CTNNBL1: variants seen among roughly 807,000 people sequenced by gnomAD.
CTNNBL1 encodes the protein catenin beta like 1.
A neutral mutation model predicts 72.7 loss-of-function variants in CTNNBL1; 31 were observed. The observed-to-expected ratio is 0.43, with a 90% CI of 0.32 to 0.58. The LOEUF is 0.58. Among genes scored for constraint, CTNNBL1 ranks in the 20% least tolerant of loss-of-function variants. The pLI, the probability that CTNNBL1 is intolerant of heterozygous loss-of-function variation, is 0.08. For synonymous variants in CTNNBL1, 240 were observed against 267.3 expected, an observed-to-expected ratio of 0.90 and a Z score of 1.00; for missense variants, 534 against 725.1, an observed-to-expected ratio of 0.74 and a Z score of 3.03.
chr20:37,841,377 G>A (rs2072303012), intron 12 of CTNNBL1, among the ~76,000 whole-genome samples: 1 of 152,124 alleles, frequency 6.6e-6, no homozygotes, highest in Non-Finnish European at 1.5e-5. Context: ...CTTTGAAATG[G>A]GGTTTGCTAC....
rs6125973 is a variant in CTNNBL1 at position 37,717,166 on chromosome 20, G to T, written c.31-15713G>T. On this transcript the variant is annotated intron_variant, in intron 1 of 15. Coordinates refer to ENST00000361383, the MANE Select transcript of CTNNBL1 (RefSeq NM_030877.5). ...CTCTTTTCCCCCAGCCACTCCTATT[G>T]GAAAAGGGAATGCAGTTTTACGTTT... Among the ~76,000 whole-genome samples, 429 of 151,596 alleles carry T rather than the reference G, an allele frequency of 2.8e-3. 5 individuals are homozygous for T. Among genetic ancestry groups the T allele is most frequent in the East Asian group, 0.017 (88 of 5,188 alleles).
chr20:37,861,465 T>A (rs555870759), intron 15 of CTNNBL1, among the ~76,000 whole-genome samples: 1 of 152,158 alleles, frequency 6.6e-6, no homozygotes, highest in South Asian at 2.1e-4. Flanking sequence ...GATGCCGGAG[T>A]TCAGGGAGTG....
chr20:37,701,716 A>G (rs6091103), intron 1 of CTNNBL1, among the ~76,000 whole-genome samples: 73,537 of 151,940 alleles, frequency 0.48, 20,114 homozygotes, highest in African/African-American at 0.76. Flanking sequence ...GAAATGTTCA[A>G]AGCATAGGGT....
chr20:37,746,686 G>T (rs1272439100), intron 4 of CTNNBL1, 79 bp downstream of exon 4: 6 of 1,495,112 alleles, frequency 4.0e-6, no homozygotes, highest in Non-Finnish European at 5.6e-6. Context: ...GTCTCTCTTT[G>T]TAGATGTGTG....
intron 4 of CTNNBL1, among the ~76,000 whole-genome samples, chr20:37,753,095 G>T (rs2073334940): frequency 6.6e-6 from 1 of 151,990 alleles, no homozygotes; most frequent in African/African-American, 2.4e-5. Flanking sequence ...CCTCTTTCTG[G>T]TCTTCAAATG....
intron 7 of CTNNBL1, 188 bp from the exon 8 acceptor site, chr20:37,777,157 T>C: frequency 1.8e-6 from 1 of 546,514 alleles, no homozygotes. Context: ...GAGCCATTGT[T>C]TCAATCTGTC....
intron 4 of CTNNBL1, among the ~76,000 whole-genome samples, chr20:37,756,872 C>A (rs896161449): frequency 1.3e-5 from 2 of 151,870 alleles, no homozygotes; most frequent in African/African-American, 4.8e-5. Context: ...GTTTCAAACT[C>A]CTGAGCTCAA....
At chr20:37,865,618 A>G (rs1013617781) in intron 15 of CTNNBL1, among the ~76,000 whole-genome samples, 1 of 152,150 alleles carries the variant, frequency 6.6e-6, no homozygotes, top group South Asian at 2.1e-4. Context: ...AGCAGTCATC[A>G]CCTTGGCTGT....
At chr20:37,830,485 C>G (rs1014363134) in intron 11 of CTNNBL1, among the ~76,000 whole-genome samples, 27 of 152,104 alleles carry the variant, frequency 1.8e-4, no homozygotes, top group African/African-American at 6.5e-4. Context: ...CAGCAGGACC[C>G]CTCTAGAATC....
chr20:37,816,056 T>C (rs188461380), intron 11 of CTNNBL1, among the ~76,000 whole-genome samples: 1 of 152,324 alleles, frequency 6.6e-6, no homozygotes, highest in Admixed American at 6.5e-5. Context: ...TGGCTTGCTT[T>C]TGTAGCCAGA....
intron 3 of CTNNBL1, among the ~76,000 whole-genome samples, chr20:37,746,073 G>T (rs1262762997): frequency 1.3e-5 from 2 of 152,190 alleles, no homozygotes; most frequent in Admixed American, 6.5e-5. Context: ...GAAGTGGGAA[G>T]TAAGAGAAAC....
intron 13 of CTNNBL1, among the ~76,000 whole-genome samples, chr20:37,844,516 A>T (rs145714794): frequency 2.6e-5 from 4 of 152,226 alleles, no homozygotes; most frequent in African/African-American, 7.2e-5. Context: ...GCAACGGTCT[A>T]GTAGAAAAGG....
intron 11 of CTNNBL1, among the ~76,000 whole-genome samples, chr20:37,837,071 G>A (rs906681491): frequency 6.6e-6 from 1 of 152,084 alleles, no homozygotes; most frequent in Non-Finnish European, 1.5e-5. Context: ...CAACTTGGTT[G>A]GCACAAGGTT....
At chr20:37,712,856 C>A (rs2072950472) in intron 1 of CTNNBL1, among the ~76,000 whole-genome samples, 1 of 152,202 alleles carries the variant, frequency 6.6e-6, no homozygotes, top group Non-Finnish European at 1.5e-5. Context: ...TTCCTTCCGA[C>A]CAGAAGTGCC....
intron 10 of CTNNBL1, among the ~76,000 whole-genome samples, chr20:37,792,342 TTG>T (rs1031135364): frequency 6.6e-6 from 1 of 151,992 alleles, no homozygotes; most frequent in African/African-American, 2.4e-5. Context: ...GTGCGTGTAT[TTG>T]TGTGTGTGTG....
intron 1 of CTNNBL1, among the ~76,000 whole-genome samples, chr20:37,708,245 A>G (rs1028873202): frequency 6.6e-6 from 1 of 151,208 alleles, no homozygotes; most frequent in Non-Finnish European, 1.5e-5. Flanking sequence ...GGAGTACAGC[A>G]GCAGGATCAT....
At chr20:37,719,505 G>C (rs1734674101) in intron 1 of CTNNBL1, among the ~76,000 whole-genome samples, 1 of 152,172 alleles carries the variant, frequency 6.6e-6, no homozygotes. Context: ...GAAAGAACAT[G>C]CCTTTTTTGT....
chr20:37,711,105 G>T (rs1568746249), intron 1 of CTNNBL1, among the ~76,000 whole-genome samples: 1 of 152,136 alleles, frequency 6.6e-6, no homozygotes, highest in African/African-American at 2.4e-5. Flanking sequence ...CCAACCTTTG[G>T]CCCTAGCCCA....
intron 3 of CTNNBL1, among the ~76,000 whole-genome samples, chr20:37,742,296 T>G (rs1394728700): frequency 1.3e-5 from 2 of 152,238 alleles, no homozygotes; most frequent in Non-Finnish European, 2.9e-5. Flanking sequence ...GTAGCACTTG[T>G]GGCAGCTGTT....
Sources: gnomAD v4.1 joint callset for allele counts (sites outside exome capture counted in the v4.1 genomes callset) on GRCh38, gnomAD v4.1.1 for gene constraint, MANE v1.5 for transcripts, NCBI Gene and HGNC (gene_info 2026-07-23, HGNC 2026-07-21) for gene names.